Variants in LRRC15 observed in about 807,000 individuals in gnomAD.
The protein encoded by LRRC15 is leucine-rich repeat-containing protein 15.
In LRRC15, 5 loss-of-function variants were observed where a neutral mutation model predicts 4.3. The observed-to-expected ratio is 1.16, with a 90% CI of 0.61 to 2.44. LRRC15 has a LOEUF of 2.44. Among genes scored for constraint, LRRC15 ranks in the 30% most tolerant of loss-of-function variants. LRRC15 has a pLI of 0.01. For synonymous variants in LRRC15, 337 were observed against 323.2 expected (o/e 1.04, Z -0.46); for missense variants, 769 against 747.0 (o/e 1.03, Z -0.34).
chr3:194,359,742 G>A lies in LRRC15; in HGVS notation c.1302C>T (p.Leu434=). ...PWRCDSDILP[L]RNWLLLNQPR... is the part of the protein sequence containing the mutation. ...GCTGGTTGAGCAGGAGCCAGTTGCG[G>A]AGCGGAAGGATGTCTGAGTCACACC... The change falls in exon 2 of 2, where the codon CTC becomes CTT. Residue 434 remains leucine (L), a synonymous_variant. Transcript: ENST00000347624. 1 of 1,614,180 alleles carries A rather than the reference G, an allele frequency of 6.2e-7. No homozygotes were observed. Among genetic ancestry groups the A allele is most frequent in the Middle Eastern group, 1.6e-4 (1 of 6,062 alleles).
rs535982092 is a variant in LRRC15 at position 194,359,829 on chromosome 3, G to T, written c.1215C>A (p.Pro405=). The T allele has an allele frequency of 6.2e-7, 1 of 1,614,082 alleles. No homozygotes were observed. Among genetic ancestry groups the T allele is most frequent in the East Asian group, 2.2e-5 (1 of 44,882 alleles). ...QLQNNQLENL[P]LGIFDHLGKL... is the part of the protein sequence containing the mutation. ...TCCCCAGGTGATCGAAGATGCCGAG[G>T]GGCAAGTTCTCCAGCTGGTTGTTCT... Residue 405 remains proline, a synonymous_variant, in exon 2 of 2, where the codon CCC becomes CCA. Coordinates refer to ENST00000347624, the MANE Select transcript of LRRC15 (RefSeq NM_130830.5).
chr3:194,362,044 A>C (rs973449840), intron 1 of LRRC15, among the ~76,000 whole-genome samples: 1 of 152,166 alleles, frequency 6.6e-6, no homozygotes, highest in African/African-American at 2.4e-5. Context: ...ATGGTAGGTC[A>C]GGTGTGGCAA....
Position 194,360,730 on chromosome 3 carries a change from T to C in LRRC15, c.314A>G (p.Tyr105Cys). Residue 105 changes from tyrosine to cysteine, a missense_variant, in exon 2 of 2, where the codon TAT becomes TGT. By Grantham distance (194) the Tyr-to-Cys change is radical. Transcript: ENST00000347624. ...GAFRNLGSLRYLSLANNKLQV... is the reference protein window; with the variant it reads ...GAFRNLGSLRCLSLANNKLQV... The stretch of plus-strand genomic sequence containing the variant: ...CAGCTTGTTGTTGGCGAGGCTGAGA[T>C]AGCGCAGCGAGCCCAGGTTTCGGAA... The C allele has an allele frequency of 6.2e-7, 1 of 1,614,198 alleles. No individual in the cohort carries two copies. The highest frequency in any genetic ancestry group is 1.1e-5 in the South Asian group (1 of 91,084).
chr3:194,360,143 A>T lies in LRRC15; in HGVS notation c.901T>A (p.Tyr301Asn). Residue 301 changes from tyrosine to asparagine, a missense_variant, in exon 2 of 2, where the codon TAT (tyrosine) becomes AAT (asparagine). Physicochemically the swap from Tyr to Asn is moderately radical, Grantham distance 143. Coordinates refer to ENST00000347624, the MANE Select transcript of LRRC15 (RefSeq NM_130830.5). The part of the protein sequence containing the change: ...PMPNLRELWL[Y>N]DNHISSLPDN... ...GGTAGAGAAGAGATGTGGTTGTCAT[A>T]GAGCCAAAGCTCCCGCAGGTTGGGC... is the stretch of plus-strand genomic sequence containing the variant. The T allele has an allele frequency of 1.2e-6, 2 of 1,614,238 alleles. No homozygotes were observed. Among genetic ancestry groups the T allele is most frequent in the Non-Finnish European group, 1.7e-6 (2 of 1,180,042 alleles).
rs1182425118 is a variant in LRRC15 at position 194,359,776 on chromosome 3, T to C, written c.1268A>G (p.Asn423Ser). The change falls in exon 2 of 2, where the codon AAT (asparagine) becomes AGT (serine). Residue 423 changes from asparagine (N) to serine (S), a missense_variant. Transcript: ENST00000347624. Reference protein sequence around the residue: ...GKLCELRLYDNPWRCDSDILP... With the variant: ...GKLCELRLYDSPWRCDSDILP... ...GATGTCTGAGTCACACCTCCAGGGA[T>C]TGTCATACAGCCGCAGCTCACACAG... The C allele has an allele frequency of 4.3e-6, 7 of 1,613,992 alleles. No individual in the cohort carries two copies. The African/African-American group carries it at 8.0e-5, about 18-fold the overall frequency.
chr3:194,369,546 A>C (rs1289970320), intron 1 of LRRC15, 115 bp downstream of exon 1: 1 of 152,404 alleles, frequency 6.6e-6, no homozygotes, highest in Non-Finnish European at 1.5e-5. Flanking sequence ...CCCCAGGCAC[A>C]TGTCAGCTCT....
At position 194,359,195 on chromosome 3, in the gene LRRC15, G is replaced by T; in HGVS notation, c.*103C>A. On this transcript the variant is annotated 3_prime_UTR_variant, in exon 2 of 2. Coordinates refer to ENST00000347624, the MANE Select transcript of LRRC15 (RefSeq NM_130830.5). ...TCACCTTTCTCTGGGGCCAGAAAGAGCAATCACGGGAAAGCTCCATGGACC... is the reference window on the plus strand; with the variant it reads ...TCACCTTTCTCTGGGGCCAGAAAGATCAATCACGGGAAAGCTCCATGGACC... 9.1e-7 allele frequency: 1 copy of T among 1,095,816 alleles called. No individual in the cohort carries two copies. The highest frequency in any genetic ancestry group is 1.3e-6 in the Non-Finnish European group (1 of 767,912). 67.9% of individuals were successfully genotyped at this position (1,095,816 alleles called of 1,614,324 possible).
chr3:194,361,819 C>A (rs1306398094), intron 1 of LRRC15, among the ~76,000 whole-genome samples: 1 of 152,220 alleles, frequency 6.6e-6, no homozygotes, highest in Non-Finnish European at 1.5e-5. Context: ...CTAGCCCTTT[C>A]ACCTGTGCTT....
At position 194,360,669 on chromosome 3, in the gene LRRC15, G is replaced by T; in HGVS notation, c.375C>A (p.Asp125Glu). Reference sequence around the variant, plus strand: ...TGGACAGAAGGAGAGACTCGAGGCTGTCCAGGCCCTGGAAGAGGCCGATGG... The same window carrying T: ...TGGACAGAAGGAGAGACTCGAGGCTTTCCAGGCCCTGGAAGAGGCCGATGG... ...VLPIGLFQGL[D>E]SLESLLLSSN... Residue 125 changes from aspartate (D) to glutamate (E), a missense_variant, in exon 2 of 2, where the codon GAC (aspartate) becomes GAA (glutamate). Coordinates refer to ENST00000347624, the MANE Select transcript of LRRC15 (RefSeq NM_130830.5). The T allele has an allele frequency of 1.2e-6, 2 of 1,614,230 alleles. No individual in the cohort carries two copies. The highest frequency in any genetic ancestry group is 1.1e-5 in the South Asian group (1 of 91,084).
chr3:194,363,311 G>T, intron 1 of LRRC15: 2 of 691,850 alleles, frequency 2.9e-6, no homozygotes, highest in South Asian at 3.2e-5. Context: ...TTAAGAACTT[G>T]ACTAAGCATA....
In LRRC15 at chr3:194,357,287, C is replaced by T. The variant is rs1338926641; in HGVS notation, c.*2011G>A. 1 of 151,576 alleles carries T rather than the reference C, an allele frequency of 6.6e-6. No homozygotes were observed. The highest frequency in any genetic ancestry group is 1.5e-5 in the Non-Finnish European group (1 of 67,940). 9.4% of individuals were successfully genotyped at this position (151,576 alleles called of 1,614,324 possible). ...GGATTGGTGGTAGATTTCCAGATCA[C>T]AGGTGTCTTGTGGAGCGGGGAGCTA... On this transcript the variant is annotated 3_prime_UTR_variant, in exon 2 of 2. Coordinates refer to ENST00000347624, the MANE Select transcript of LRRC15 (RefSeq NM_130830.5).
chr3:194,360,067 C>A lies in LRRC15; in HGVS notation c.977G>T (p.Arg326Leu), dbSNP rs774632751. 1.9e-6 allele frequency: 3 copies of A among 1,614,058 alleles called. No homozygotes were observed. The highest frequency in any genetic ancestry group is 2.7e-5 in the African/African-American group (2 of 74,916). The change falls in exon 2 of 2, where the codon CGC becomes CTC. Residue 326 changes from arginine (R) to leucine (L), a missense_variant. Arg to Leu is a moderately radical substitution (Grantham distance 102). Transcript: ENST00000347624. ...CGGGGAGATGAAGCTGATCTGATTG[C>A]GGCTAAGAATCAGGACCTGCAACTG... ...LRQLQVLILSRNQISFISPGA... is the reference protein window; with the variant it reads ...LRQLQVLILSLNQISFISPGA...
chr3:194,360,200 T>C lies in LRRC15; in HGVS notation c.844A>G (p.Lys282Glu). 1.5e-5 allele frequency: 25 copies of C among 1,613,796 alleles called. No homozygotes were observed. The highest frequency in any genetic ancestry group is 2.0e-5 in the Non-Finnish European group (24 of 1,179,750). ...NRLTLFGNSLKELSPGIFGPM... is the reference protein window; with the variant it reads ...NRLTLFGNSLEELSPGIFGPM... ...CCGAAGATCCCCGGAGAGAGCTCCTTCAGGGAATTCCCAAAGAGAGTAAGA... is the reference window on the plus strand; with the variant it reads ...CCGAAGATCCCCGGAGAGAGCTCCTCCAGGGAATTCCCAAAGAGAGTAAGA... The change falls in exon 2 of 2, where the codon AAG becomes GAG. Residue 282 changes from lysine to glutamate, a missense_variant. By Grantham distance (56) the Lys-to-Glu change is moderately conservative. Transcript: ENST00000347624.
intron 1 of LRRC15, among the ~76,000 whole-genome samples, chr3:194,368,942 G>T (rs1250840844): frequency 6.6e-6 from 1 of 152,218 alleles, no homozygotes; most frequent in African/African-American, 2.4e-5. Flanking sequence ...CCTGCTCAAA[G>T]CCTCCAGGCT....
At position 194,360,429 on chromosome 3, in the gene LRRC15, A is replaced by C. The variant is rs370125586; in HGVS notation, c.615T>G (p.Tyr205Ter). 6.2e-7 allele frequency: 1 copy of C among 1,614,082 alleles called. No individual in the cohort carries two copies. The highest frequency in any genetic ancestry group is 8.5e-7 in the Non-Finnish European group (1 of 1,180,050). Reference protein sequence around the residue: ...HLGNLQVLRLYENRLTDIPMG... With the variant: ...HLGNLQVLRL ...TGGGGATATCCGTGAGCCTGTTCTC[A>C]TACAGCCGGAGGACCTGGAGGTTGC... The change falls in exon 2 of 2, where the codon TAT becomes TAG. Residue 205 changes from tyrosine (Y) to a stop codon, truncating the protein, a stop_gained. Transcript: ENST00000347624. LOFTEE classifies it low-confidence loss of function (END_TRUNC).
At chr3:194,367,215 A>G (rs892844309) in intron 1 of LRRC15, among the ~76,000 whole-genome samples, 14 of 152,116 alleles carry the variant, frequency 9.2e-5, no homozygotes, top group African/African-American at 3.4e-4. Flanking sequence ...GAAGGTGTTG[A>G]CCCCTGTAAT....
In LRRC15 at chr3:194,359,084, A is replaced by T. The variant is rs566942207; in HGVS notation, c.*214T>A. Reference sequence around the variant, plus strand: ...AATCCCCAGGGCTTTTGCCATGGCCAGTTGGATCTATCTTCCTGATTGTAG... The same window carrying T: ...AATCCCCAGGGCTTTTGCCATGGCCTGTTGGATCTATCTTCCTGATTGTAG... On this transcript the variant is annotated 3_prime_UTR_variant, in exon 2 of 2. Coordinates refer to ENST00000347624, the MANE Select transcript of LRRC15 (RefSeq NM_130830.5). 2 of 481,124 alleles carry T rather than the reference A, an allele frequency of 4.2e-6. No homozygotes were observed. Among genetic ancestry groups the T allele is most frequent in the African/African-American group, 3.9e-5 (2 of 51,654 alleles). The allele number at this position is 481,124 out of a possible 1,614,324, so 29.8% of individuals were successfully genotyped here. A position where few individuals can be genotyped will look rare whatever the true frequency, so the allele number is the denominator to read the frequency against.
In LRRC15 at chr3:194,360,400, C is replaced by G. The variant is rs924150491; in HGVS notation, c.644G>C (p.Gly215Ala). The G allele has an allele frequency of 6.2e-7, 1 of 1,614,146 alleles. No homozygotes were observed. ...CAGGTTAACAAGCCCATCAAAAGTG[C>G]CCATGGGGATATCCGTGAGCCTGTT... ...YENRLTDIPM[G>A]TFDGLVNLQE... is the part of the protein sequence containing the mutation. The change falls in exon 2 of 2, where the codon GGC becomes GCC. Residue 215 changes from glycine to alanine, a missense_variant. Coordinates refer to ENST00000347624, the MANE Select transcript of LRRC15 (RefSeq NM_130830.5).
rs3796152 is a variant in LRRC15, at chr3:194,356,645, T to C, written c.*2653A>G. 0.099 allele frequency: 15,041 copies of C among 152,336 alleles called. 842 individuals are homozygous for C. Among genetic ancestry groups the C allele is most frequent in the African/African-American group, 0.11 (4,440 of 41,542 alleles). 9.4% of individuals were successfully genotyped at this position (152,336 alleles called of 1,614,324 possible). ...CCTAGGGTGCTCCTGGGTGGTGTCA[T>C]CTGAGGACAGTGGCCCTCAGGTCAG... is the stretch of plus-strand genomic sequence containing the variant. On this transcript the variant is annotated 3_prime_UTR_variant, in exon 2 of 2. Transcript: ENST00000347624.
Sources: allele counts gnomAD v4.1 joint callset (sites outside exome capture counted in the v4.1 genomes callset), GRCh38; gene constraint gnomAD v4.1.1; transcripts MANE v1.5; gene names NCBI Gene and HGNC (gene_info 2026-07-23, HGNC 2026-07-21).